The following GMDS variants were observed in gnomAD, a reference collection of about 807,000 sequenced individuals.
GMDS encodes the protein GDP-mannose 4,6 dehydratase.
In GMDS, 20 loss-of-function variants were observed where a neutral mutation model predicts 49.9. The ratio of observed to expected loss-of-function variants is 0.40; its 90% CI spans 0.28 to 0.58. The LOEUF (loss-of-function observed/expected upper bound fraction) is 0.58. Ranked by LOEUF, GMDS falls within the 20% of genes least tolerant of loss-of-function variation. The pLI is 0.42. For synonymous variants in GMDS, 177 were observed against 178.6 expected, an observed-to-expected ratio of 0.99 and a Z score of 0.07; for missense variants, 362 against 481.4, an observed-to-expected ratio of 0.75 and a Z score of 2.32.
At chr6:2,226,697 T>C (rs1260702263) in intron 1 of GMDS, among the ~76,000 whole-genome samples, 1 of 152,222 alleles carries the variant, frequency 6.6e-6, no homozygotes, top group Non-Finnish European at 1.5e-5. Flanking sequence ...TTTACTCTCC[T>C]AAATTCTATC....
chr6:1,905,331 G>T (rs867204452), intron 7 of GMDS, among the ~76,000 whole-genome samples: 2,093 of 141,256 alleles, frequency 0.015, 21 homozygotes, highest in African/African-American at 0.052. Context: ...GCGTGTAGGT[G>T]GGACCTCAAA....
chr6:2,066,039 C>T (rs1486272561), intron 4 of GMDS, among the ~76,000 whole-genome samples: 2 of 152,202 alleles, frequency 1.3e-5, no homozygotes, highest in African/African-American at 4.8e-5. Context: ...AGGTTACCCT[C>T]AAAGGGAAGC....
At chr6:1,909,169 C>T (rs983304106) in intron 7 of GMDS, among the ~76,000 whole-genome samples, 8 of 152,142 alleles carry the variant, frequency 5.3e-5, no homozygotes, top group Admixed American at 2.0e-4. Flanking sequence ...AAAGACTTTA[C>T]GGTTTTTGGA....
chr6:1,715,204 G>A (rs921496474), intron 9 of GMDS, among the ~76,000 whole-genome samples: 10 of 152,350 alleles, frequency 6.6e-5, no homozygotes, highest in African/African-American at 2.4e-4. Flanking sequence ...GGATATACAA[G>A]TGTAAGTTGT....
chr6:1,908,775 A>G (rs1420094703), intron 7 of GMDS, among the ~76,000 whole-genome samples: 12 of 152,236 alleles, frequency 7.9e-5, no homozygotes, highest in Non-Finnish European at 1.8e-4. Flanking sequence ...CATGTATTGG[A>G]ATAATCTGCT....
chr6:1,916,253 C>T (rs1408260498), intron 7 of GMDS, among the ~76,000 whole-genome samples: 7 of 152,212 alleles, frequency 4.6e-5, no homozygotes, highest in East Asian at 1.9e-4. Context: ...CAGTGACCAG[C>T]GCTGATGAAA....
At chr6:1,821,152 G>A (rs957080909) in intron 7 of GMDS, among the ~76,000 whole-genome samples, 1 of 152,224 alleles carries the variant, frequency 6.6e-6, no homozygotes, top group African/African-American at 2.4e-5. Flanking sequence ...TACAGCAAAT[G>A]AGACAGGAAA....
At chr6:1,865,455 T>C (rs1173809212) in intron 7 of GMDS, among the ~76,000 whole-genome samples, 1 of 152,116 alleles carries the variant, frequency 6.6e-6, no homozygotes, top group African/African-American at 2.4e-5. Flanking sequence ...TGAGGTGAAA[T>C]TTTATAACAA....
chr6:1,801,128 C>T (rs1769932892), intron 7 of GMDS, among the ~76,000 whole-genome samples: 1 of 152,158 alleles, frequency 6.6e-6, no homozygotes, highest in Non-Finnish European at 1.5e-5. Flanking sequence ...GAATAGCCTG[C>T]CCAGAGCTGT....
chr6:1,870,504 G>A (rs184407074), intron 7 of GMDS, among the ~76,000 whole-genome samples: 3 of 152,118 alleles, frequency 2.0e-5, no homozygotes, highest in East Asian at 1.9e-4. Context: ...AAAACAGTCC[G>A]AGCCACATCA....
chr6:2,006,159 C>T (rs972913735), intron 4 of GMDS, among the ~76,000 whole-genome samples: 6 of 151,950 alleles, frequency 3.9e-5, no homozygotes, highest in African/African-American at 7.3e-5. Flanking sequence ...CGGTGGTTCA[C>T]GCCTGCAATC....
At chr6:1,705,176 T>C (rs1490761693) in intron 9 of GMDS, among the ~76,000 whole-genome samples, 2 of 152,214 alleles carry the variant, frequency 1.3e-5, no homozygotes, top group African/African-American at 4.8e-5. Context: ...ACACCTTCCC[T>C]ATGCTTAAAG....
rs144566321 is a variant in GMDS at position 2,133,783 on chromosome 6, C to A, written c.103-9052G>T. 9.2e-5 allele frequency among the ~76,000 whole-genome samples: 14 copies of A among 152,242 alleles called. No individual in the cohort carries two copies. In the East Asian group the frequency reaches 2.1e-3, roughly 23 times the overall value. On this transcript the variant is annotated intron_variant, in intron 1 of 10. Coordinates refer to ENST00000380815, the MANE Select transcript of GMDS (RefSeq NM_001500.4). Reference sequence around the variant, plus strand: ...CTGTAAGCATTTACCCAGAAAGGTGCAGATCATTAAACTAATAAAGCTAAC... The same window carrying A: ...CTGTAAGCATTTACCCAGAAAGGTGAAGATCATTAAACTAATAAAGCTAAC...
chr6:2,112,128 A>C (rs907128463), intron 4 of GMDS, among the ~76,000 whole-genome samples: 4 of 152,236 alleles, frequency 2.6e-5, no homozygotes, highest in Non-Finnish European at 5.9e-5. Flanking sequence ...TTCTAAGAGG[A>C]GCTGTTCATA....
At chr6:2,045,502 C>G (rs145625258) in intron 4 of GMDS, among the ~76,000 whole-genome samples, 1 of 151,670 alleles carries the variant, frequency 6.6e-6, no homozygotes, top group African/African-American at 2.4e-5. Context: ...TTGCTAAGGT[C>G]AAAATAATCC....
intron 8 of GMDS, among the ~76,000 whole-genome samples, chr6:1,730,422 A>G (rs1193438317): frequency 1.3e-5 from 2 of 152,172 alleles, no homozygotes; most frequent in African/African-American, 2.4e-5. Context: ...AATGGCCCCA[A>G]TTTACACTTG....
intron 1 of GMDS, among the ~76,000 whole-genome samples, chr6:2,195,587 T>C (rs1561647996): frequency 6.6e-6 from 1 of 152,188 alleles, no homozygotes; most frequent in Non-Finnish European, 1.5e-5. Context: ...AAGCCTTCTT[T>C]GGAAATAATT....
chr6:1,820,838 T>C (rs937085551), intron 7 of GMDS, among the ~76,000 whole-genome samples: 1 of 152,218 alleles, frequency 6.6e-6, no homozygotes, highest in Non-Finnish European at 1.5e-5. Flanking sequence ...TTTAAAAATA[T>C]GAATTATCAG....
intron 4 of GMDS, among the ~76,000 whole-genome samples, chr6:2,059,552 C>T (rs565088474): frequency 6.8e-6 from 1 of 146,658 alleles, no homozygotes; most frequent in Admixed American, 6.8e-5. Flanking sequence ...ACTAAAAATA[C>T]AAAAAATTAG....
Sources: allele counts gnomAD v4.1 joint callset (sites outside exome capture counted in the v4.1 genomes callset), GRCh38; gene constraint gnomAD v4.1.1; transcripts MANE v1.5; gene names NCBI Gene and HGNC (gene_info 2026-07-23, HGNC 2026-07-21).